ZFHX4: variants seen among roughly 807,000 people sequenced by gnomAD.
The protein encoded by ZFHX4 is zinc finger homeobox 4.
Under a neutral mutation model 267.6 loss-of-function variants are expected in ZFHX4, and 56 were observed. That is an observed-to-expected ratio of 0.21 (90% CI 0.17 to 0.26). The LOEUF (loss-of-function observed/expected upper bound fraction) is 0.26, where lower values mean the gene tolerates loss of function less well. Ranked by LOEUF, ZFHX4 falls within the 10% of genes least tolerant of loss-of-function variation. The pLI is 1.00. For missense variants in ZFHX4, 4,332 were observed against 4,420.0 expected (o/e 0.98, Z 0.56); for synonymous variants, 1,778 against 1,665.6 (o/e 1.07, Z -1.64).
intron 1 of ZFHX4, among the ~76,000 whole-genome samples, chr8:76,689,114 T>A (rs544728004): frequency 1.3e-5 from 2 of 152,152 alleles, no homozygotes; most frequent in Non-Finnish European, 2.9e-5. Flanking sequence ...ACTTTTATGG[T>A]TAACTTTATG....
chr8:76,851,553 A>C lies in ZFHX4; in HGVS notation c.4632A>C (p.Thr1544=). 6.2e-7 allele frequency: 1 copy of C among 1,613,934 alleles called. No homozygotes were observed. The highest frequency in any genetic ancestry group is 8.5e-7 in the Non-Finnish European group (1 of 1,179,878). ...FLDPSRPYKC[T]VCKESFTQKN... is the part of the protein sequence containing the mutation. Reference sequence around the variant, plus strand: ...ATCCATCTCGTCCATATAAATGTACAGTGTGTAAAGAGTCATTCACCCAAA... The same window carrying C: ...ATCCATCTCGTCCATATAAATGTACCGTGTGTAAAGAGTCATTCACCCAAA... The change falls in exon 10 of 11, where the codon ACA becomes ACC. Residue 1544 remains threonine (T), a synonymous_variant. Coordinates refer to ENST00000651372, the MANE Select transcript of ZFHX4 (RefSeq NM_024721.5).
At chr8:76,731,302 G>A (rs192905626) in intron 3 of ZFHX4, among the ~76,000 whole-genome samples, 61 of 152,316 alleles carry the variant, frequency 4.0e-4, no homozygotes, top group African/African-American at 1.4e-3. Flanking sequence ...AACTAAAAGA[G>A]AGTACAGTTA....
At position 76,706,536 on chromosome 8, in the gene ZFHX4, G is replaced by C; in HGVS notation, c.2448G>C (p.Ala816=). Residue 816 remains alanine (A), a synonymous_variant, in exon 2 of 11, where the codon GCG becomes GCC. Transcript: ENST00000651372. The part of the protein sequence containing the change: ...QHNLHLGLAP[A]EAELYQYYLA... ...ATCTGCACTTGGGCCTCGCCCCGGCGGAAGCAGAGCTTTATCAGTACTACC... is the reference window on the plus strand; with the variant it reads ...ATCTGCACTTGGGCCTCGCCCCGGCCGAAGCAGAGCTTTATCAGTACTACC... 1 of 1,613,152 alleles carries C rather than the reference G, an allele frequency of 6.2e-7. No individual in the cohort carries two copies. Among genetic ancestry groups the C allele is most frequent in the Non-Finnish European group, 8.5e-7 (1 of 1,179,594 alleles).
chr8:76,787,179 T>C (rs994033773), intron 4 of ZFHX4, among the ~76,000 whole-genome samples: 2 of 152,208 alleles, frequency 1.3e-5, no homozygotes, highest in African/African-American at 4.8e-5. Context: ...AACAAAAACA[T>C]GTCTTTGCAT....
At chr8:76,806,343 T>C (rs1811244873) in intron 4 of ZFHX4, among the ~76,000 whole-genome samples, 1 of 152,102 alleles carries the variant, frequency 6.6e-6, no homozygotes, top group South Asian at 2.1e-4. Context: ...ACCAGTGGAC[T>C]ATGGGTGTAG....
intron 3 of ZFHX4, among the ~76,000 whole-genome samples, chr8:76,749,029 G>A (rs941408406): frequency 2.6e-5 from 4 of 151,934 alleles, no homozygotes; most frequent in African/African-American, 9.7e-5. Context: ...ATCCAGGTGG[G>A]GAAAAAACAG....
chr8:76,689,163 A>T (rs1017772028), intron 1 of ZFHX4, among the ~76,000 whole-genome samples: 5 of 152,178 alleles, frequency 3.3e-5, no homozygotes, highest in Non-Finnish European at 7.4e-5. Flanking sequence ...AAAAAAATCC[A>T]CATGGAGGCT....
At chr8:76,818,089 G>A (rs939144821) in intron 4 of ZFHX4, among the ~76,000 whole-genome samples, 1 of 152,142 alleles carries the variant, frequency 6.6e-6, no homozygotes, top group Non-Finnish European at 1.5e-5. Context: ...GGTAAATTAG[G>A]ACATTTTGAG....
chr8:76,835,260 T>TATGTATATATATGTATATA (rs1563549213), intron 5 of ZFHX4, among the ~76,000 whole-genome samples: 1 of 143,596 alleles, frequency 7.0e-6, no homozygotes, highest in Non-Finnish European at 1.5e-5. Flanking sequence ...TATATATATA[T>TATGTATATATATGTATATA]TCATACATAT....
chr8:76,860,367 T>C (rs950059759), intron 10 of ZFHX4, among the ~76,000 whole-genome samples: 1 of 152,108 alleles, frequency 6.6e-6, no homozygotes, highest in Admixed American at 6.6e-5. Context: ...TGCAGTCTTC[T>C]AAAAATCTTT....
At chr8:76,795,793 T>C (rs1277812224) in intron 4 of ZFHX4, among the ~76,000 whole-genome samples, 1 of 152,128 alleles carries the variant, frequency 6.6e-6, no homozygotes, top group Non-Finnish European at 1.5e-5. Context: ...CGCCTCCAAG[T>C]CTTTACATGA....
In ZFHX4 at chr8:76,704,784, C is replaced by G; in HGVS notation, c.696C>G (p.Leu232=). 6.2e-7 allele frequency: 1 copy of G among 1,614,034 alleles called. No individual in the cohort carries two copies. The highest frequency in any genetic ancestry group is 8.5e-7 in the Non-Finnish European group (1 of 1,179,920). The change falls in exon 2 of 11, where the codon CTC becomes CTG. Residue 232 remains leucine, a synonymous_variant. Transcript: ENST00000651372. The part of the protein sequence containing the change: ...PVLHSFRVYD[L]RHKREKDYLT... ...TGCACAGTTTCCGTGTCTATGATCT[C>G]CGACACAAGAGAGAGAAAGACTATC...
chr8:76,832,702 G>A (rs1277978952), intron 4 of ZFHX4, among the ~76,000 whole-genome samples: 1 of 152,122 alleles, frequency 6.6e-6, no homozygotes, highest in Non-Finnish European at 1.5e-5. Flanking sequence ...TTATTCCATA[G>A]GTTCCCCTAC....
chr8:76,772,143 G>A (rs1486972534), intron 3 of ZFHX4, among the ~76,000 whole-genome samples: 3 of 152,040 alleles, frequency 2.0e-5, no homozygotes, highest in African/African-American at 7.2e-5. Context: ...ATAAAAGAAC[G>A]TTATGGAAGG....
intron 4 of ZFHX4, among the ~76,000 whole-genome samples, chr8:76,815,125 T>C (rs1380879590): frequency 2.0e-5 from 3 of 152,062 alleles, no homozygotes; most frequent in African/African-American, 7.2e-5. Context: ...TTATTTGCAG[T>C]ATGGTTAGAA....
At chr8:76,713,379 CT>C (rs1297453423) in intron 3 of ZFHX4, among the ~76,000 whole-genome samples, 1 of 152,148 alleles carries the variant, frequency 6.6e-6, no homozygotes, top group East Asian at 1.9e-4. Context: ...GCATTAGCAA[CT>C]TACTACATCC....
intron 4 of ZFHX4, among the ~76,000 whole-genome samples, chr8:76,783,070 T>A (rs1029348449): frequency 6.6e-6 from 1 of 152,044 alleles, no homozygotes; most frequent in Non-Finnish European, 1.5e-5. Flanking sequence ...GGTTGCCTGA[T>A]GGAAGGGCTT....
At chr8:76,767,708 G>C (rs1437084449) in intron 3 of ZFHX4, among the ~76,000 whole-genome samples, 1 of 152,132 alleles carries the variant, frequency 6.6e-6, no homozygotes, top group African/African-American at 2.4e-5. Flanking sequence ...TCTGGTGAAG[G>C]GTAGAGGAAA....
intron 3 of ZFHX4, among the ~76,000 whole-genome samples, chr8:76,714,992 G>C (rs1808526684): frequency 6.6e-6 from 1 of 152,160 alleles, no homozygotes. Context: ...ATCAGTAGAT[G>C]TAGTATAATG....
Sources: gnomAD v4.1 joint callset for allele counts (sites outside exome capture counted in the v4.1 genomes callset) on GRCh38, gnomAD v4.1.1 for gene constraint, MANE v1.5 for transcripts, NCBI Gene and HGNC (gene_info 2026-07-23, HGNC 2026-07-21) for gene names.